The following NTM variants were observed in gnomAD, a reference collection of about 807,000 sequenced individuals.
NTM encodes the protein neurotrimin.
In NTM, 13 loss-of-function variants were observed where a neutral mutation model predicts 42.1. That is an observed-to-expected ratio of 0.31 (90% CI 0.20 to 0.49). The LOEUF (loss-of-function observed/expected upper bound fraction) is 0.49. NTM is among the 20% of genes least tolerant of loss of function. The pLI is 0.99. For missense variants in NTM, 373 were observed against 452.8 expected, an observed-to-expected ratio of 0.82 and a Z score of 1.60; for synonymous variants, 187 against 179.2, an observed-to-expected ratio of 1.04 and a Z score of -0.35.
Position 131,678,798 on chromosome 11 carries a change from G to A in NTM, c.83-232766G>A, listed in dbSNP as rs114358874. Among the ~76,000 whole-genome samples the A allele has an allele frequency of 3.0e-3, 453 of 152,192 alleles. 1 individual carries two copies. The highest frequency in any genetic ancestry group is 8.5e-3 in the African/African-American group (353 of 41,516). On this transcript the variant is annotated intron_variant, in intron 1 of 8. Coordinates refer to ENST00000683400, the MANE Select transcript of NTM (RefSeq NM_001352005.2). ...CTCGTGTCTGGACTTCTGACGCTCC[G>A]TGTGAAGCAGAGGCATGGCCAGAAG...
At chr11:132,032,305 C>T (rs939624495) in intron 2 of NTM, among the ~76,000 whole-genome samples, 1 of 152,176 alleles carries the variant, frequency 6.6e-6, no homozygotes, top group African/African-American at 2.4e-5. Flanking sequence ...CCTGTGCTAA[C>T]CCCTTATATG....
chr11:131,377,085 C>G (rs1307725895), intron 1 of NTM, among the ~76,000 whole-genome samples: 1 of 152,156 alleles, frequency 6.6e-6, no homozygotes, highest in African/African-American at 2.4e-5. Flanking sequence ...CCTCTGGCCT[C>G]CTGTGCAAAT....
Position 132,146,630 on chromosome 11 carries a change from G to T in NTM, c.400+116G>T. The T allele has an allele frequency of 9.4e-7, 1 of 1,068,004 alleles. No individual in the cohort carries two copies. The highest frequency in any genetic ancestry group is 1.3e-6 in the Non-Finnish European group (1 of 761,866). The allele number at this position is 1,068,004 out of a possible 1,614,324, so 66.2% of individuals were successfully genotyped here. A position where few individuals can be genotyped will look rare whatever the true frequency, so the allele number is the denominator to read the frequency against. ...AGTTATCCTTATTCTACGCATCTGG[G>T]GTCCAGGGCACATTTCTGGTTGTCA... On this transcript the variant is annotated intron_variant, in intron 3 of 8. Coordinates refer to ENST00000683400, the MANE Select transcript of NTM (RefSeq NM_001352005.2). This position sits in a 1 kb window ranked among gnomAD's most constrained non-coding sequence, Gnocchi z 4.5.
chr11:132,063,953 C>T (rs1007452661), intron 2 of NTM, among the ~76,000 whole-genome samples: 1 of 152,188 alleles, frequency 6.6e-6, no homozygotes, highest in Admixed American at 6.5e-5. Context: ...ACCCACAAAG[C>T]AACACAAAGT....
chr11:131,706,142 G>A (rs1696190658), intron 1 of NTM, among the ~76,000 whole-genome samples: 1 of 151,938 alleles, frequency 6.6e-6, no homozygotes, highest in African/African-American at 2.4e-5. Context: ...AATAGAAGAA[G>A]ATAATACATG....
chr11:131,612,924 G>T (rs1008280905), intron 1 of NTM, among the ~76,000 whole-genome samples: 6 of 152,156 alleles, frequency 3.9e-5, no homozygotes, highest in Non-Finnish European at 7.3e-5. Flanking sequence ...TGGCAGTTTT[G>T]TAATAGTCAC....
At chr11:131,757,083 A>G (rs1190414793) in intron 1 of NTM, among the ~76,000 whole-genome samples, 1 of 152,176 alleles carries the variant, frequency 6.6e-6, no homozygotes, top group Non-Finnish European at 1.5e-5. Flanking sequence ...TGCTGCTCCT[A>G]ATTCCATACA....
chr11:131,902,010 A>G (rs1565700798), intron 1 of NTM, among the ~76,000 whole-genome samples: 1 of 152,354 alleles, frequency 6.6e-6, no homozygotes, highest in East Asian at 1.9e-4. Context: ...AAAGAAGCAC[A>G]AGGCTGTGAT....
intron 1 of NTM, among the ~76,000 whole-genome samples, chr11:131,858,477 G>A (rs562904413): frequency 6.6e-6 from 1 of 152,238 alleles, no homozygotes; most frequent in South Asian, 2.1e-4. Context: ...CCAATGTGAG[G>A]AGCTCAGTAT....
chr11:132,267,602 G>T (rs2093267491), intron 4 of NTM, among the ~76,000 whole-genome samples: 1 of 151,680 alleles, frequency 6.6e-6, no homozygotes, highest in South Asian at 2.1e-4. Context: ...GATCACCTGA[G>T]GTCAGGAGTT....
At chr11:131,617,238 G>T (rs1292355552) in intron 1 of NTM, among the ~76,000 whole-genome samples, 2 of 152,134 alleles carry the variant, frequency 1.3e-5, no homozygotes, top group Non-Finnish European at 2.9e-5. Context: ...AGGGCTGCAA[G>T]AATCTAGGGT....
intron 4 of NTM, among the ~76,000 whole-genome samples, chr11:132,238,943 C>T (rs1025596481): frequency 6.6e-6 from 1 of 152,198 alleles, no homozygotes; most frequent in African/African-American, 2.4e-5. Context: ...CAAGATCATG[C>T]TCCATGCAGT....
chr11:131,540,217 T>C (rs2053021656), intron 1 of NTM, among the ~76,000 whole-genome samples: 1 of 135,690 alleles, frequency 7.4e-6, no homozygotes, highest in African/African-American at 2.8e-5. Context: ...CAGGAAGGAG[T>C]GCAGTGGCAT....
At chr11:131,901,005 A>G (rs2053084400) in intron 1 of NTM, among the ~76,000 whole-genome samples, 1 of 152,208 alleles carries the variant, frequency 6.6e-6, no homozygotes, top group South Asian at 2.1e-4. Flanking sequence ...TAGCTTGGGA[A>G]CTGCTAGCCA....
intron 1 of NTM, among the ~76,000 whole-genome samples, chr11:131,382,452 G>T (rs1942806079): frequency 6.6e-6 from 1 of 152,092 alleles, no homozygotes; most frequent in African/African-American, 2.4e-5. Flanking sequence ...CATAGCAGTT[G>T]TACCAGCTCT....
chr11:132,118,765 A>G (rs775968136), intron 2 of NTM, among the ~76,000 whole-genome samples: 20 of 152,206 alleles, frequency 1.3e-4, no homozygotes, highest in Non-Finnish European at 1.6e-4. Flanking sequence ...TCGCAGCGTC[A>G]GATTGGTATG....
chr11:131,452,777 A>T (rs1391699570), intron 1 of NTM, among the ~76,000 whole-genome samples: 1 of 152,134 alleles, frequency 6.6e-6, no homozygotes, highest in Non-Finnish European at 1.5e-5. Context: ...AGTGCAGACA[A>T]TACTTAGAAT....
intron 1 of NTM, among the ~76,000 whole-genome samples, chr11:131,790,319 G>C (rs1284394772): frequency 6.6e-6 from 1 of 152,074 alleles, no homozygotes; most frequent in Non-Finnish European, 1.5e-5. Flanking sequence ...CATTTTGCAC[G>C]TGTTTTATTG....
intron 2 of NTM, among the ~76,000 whole-genome samples, chr11:132,137,946 CT>C (rs974883821): frequency 6.6e-6 from 1 of 152,208 alleles, no homozygotes; most frequent in African/African-American, 2.4e-5. Context: ...TAAATTTTCT[CT>C]TCTACCCATG....
Sources: gnomAD v4.1 joint callset for allele counts (sites outside exome capture counted in the v4.1 genomes callset) on GRCh38, gnomAD v4.1.1 for gene constraint, Gnocchi (gnomAD v3.1) non-coding constraint, MANE v1.5 for transcripts, NCBI Gene and HGNC (gene_info 2026-07-23, HGNC 2026-07-21) for gene names.